Variants in WWOX observed in about 807,000 individuals in gnomAD.
WWOX encodes the protein WW domain-containing oxidoreductase.
A neutral mutation model predicts 46.2 loss-of-function variants in WWOX; 69 were observed. The observed-to-expected ratio is 1.49, with a 90% CI of 1.23 to 1.82. WWOX has a LOEUF of 1.82. Ranked by LOEUF, WWOX falls within the 40% of genes most tolerant of loss-of-function variation. The pLI is 0.00. For synonymous variants in WWOX, 359 were observed against 202.6 expected (o/e 1.77, Z -6.56); for missense variants, 919 against 542.6 (o/e 1.69, Z -6.89).
intron 8 of WWOX, among the ~76,000 whole-genome samples, chr16:78,609,527 T>C (rs2045847286): frequency 1.3e-5 from 2 of 151,776 alleles, no homozygotes; most frequent in Non-Finnish European, 2.9e-5. Context: ...GGTTTTTTTT[T>C]TTCTTTCTTT....
intron 8 of WWOX, among the ~76,000 whole-genome samples, chr16:78,763,911 C>T (rs1375003221): frequency 6.6e-6 from 1 of 152,136 alleles, no homozygotes; most frequent in Non-Finnish European, 1.5e-5. Context: ...GCCCCAAAAC[C>T]CTCTTCTATT....
chr16:79,052,805 G>A (rs114547002), intron 8 of WWOX, among the ~76,000 whole-genome samples: 2,086 of 152,266 alleles, frequency 0.014, 53 homozygotes, highest in African/African-American at 0.048. Flanking sequence ...CTGTTCGAGT[G>A]CTATTTCTTT....
At chr16:79,094,060 G>A (rs951135743) in intron 8 of WWOX, among the ~76,000 whole-genome samples, 1 of 152,100 alleles carries the variant, frequency 6.6e-6, no homozygotes, top group Non-Finnish European at 1.5e-5. Context: ...GCATAATTTA[G>A]CCAGATAAAG....
intron 8 of WWOX, among the ~76,000 whole-genome samples, chr16:78,908,124 G>A (rs2045013876): frequency 6.6e-6 from 1 of 152,172 alleles, no homozygotes; most frequent in South Asian, 2.1e-4. Context: ...TTTTACACCA[G>A]GATTCTATGG....
At chr16:78,996,062 C>T (rs986506682) in intron 8 of WWOX, 26 of 305,686 alleles carry the variant, frequency 8.5e-5, no homozygotes, top group Admixed American at 1.9e-4. Flanking sequence ...ATTCCAAATC[C>T]AGATCCAAAA....
intron 8 of WWOX, among the ~76,000 whole-genome samples, chr16:78,836,704 C>T (rs1372523093): frequency 6.6e-6 from 1 of 152,138 alleles, no homozygotes; most frequent in East Asian, 1.9e-4. Context: ...TGTAGCAGCT[C>T]ACTTAATATC....
In WWOX at chr16:78,367,166, A is replaced by G. The variant is rs145366760; in HGVS notation, c.517-19694A>G. On this transcript the variant is annotated intron_variant, in intron 5 of 8. Coordinates refer to ENST00000566780, the MANE Select transcript of WWOX (RefSeq NM_016373.4). ...GGCTAATTTTTTATATTTTTAGTAG[A>G]GACAGGGTTTCACCATGTTAGCCAC... Among the ~76,000 whole-genome samples, 82 of 151,972 alleles carry G rather than the reference A, an allele frequency of 5.4e-4. 2 individuals carry two copies. The East Asian group carries it at 0.014, about 27-fold the overall frequency.
intron 8 of WWOX, among the ~76,000 whole-genome samples, chr16:79,022,696 G>A (rs923821199): frequency 1.3e-5 from 2 of 152,142 alleles, no homozygotes; most frequent in African/African-American, 4.8e-5. Context: ...TGATGTAAGG[G>A]GCTGGAGCCC....
intron 8 of WWOX, among the ~76,000 whole-genome samples, chr16:78,622,954 A>G (rs1040181292): frequency 1.3e-5 from 2 of 152,250 alleles, no homozygotes; most frequent in Middle Eastern, 3.4e-3. Context: ...AAGGAACTGC[A>G]TTTGGCTTCT....
chr16:78,861,170 C>T (rs937060512), intron 8 of WWOX, among the ~76,000 whole-genome samples: 5 of 151,800 alleles, frequency 3.3e-5, no homozygotes, highest in African/African-American at 9.7e-5. Flanking sequence ...CTCTTTCTTC[C>T]TCTCTTTGCT....
intron 8 of WWOX, among the ~76,000 whole-genome samples, chr16:79,127,280 C>T (rs2049778808): frequency 6.6e-6 from 1 of 151,990 alleles, no homozygotes; most frequent in Admixed American, 6.6e-5. Context: ...TCTTCTGAAC[C>T]GATGTTATTT....
intron 8 of WWOX, among the ~76,000 whole-genome samples, chr16:78,810,276 G>A (rs1156771825): frequency 6.6e-6 from 1 of 152,118 alleles, no homozygotes; most frequent in African/African-American, 2.4e-5. Context: ...ATTTCCACCT[G>A]GATCTGTTAA....
intron 6 of WWOX, among the ~76,000 whole-genome samples, chr16:78,414,832 C>G (rs1190718722): frequency 6.6e-6 from 1 of 152,024 alleles, no homozygotes; most frequent in Non-Finnish European, 1.5e-5. Context: ...TTAGCTTGGC[C>G]CATGCCCAGG....
intron 8 of WWOX, among the ~76,000 whole-genome samples, chr16:79,142,892 C>G (rs1219171968): frequency 6.6e-6 from 1 of 152,010 alleles, no homozygotes; most frequent in Admixed American, 6.6e-5. Flanking sequence ...TTTACAGAGA[C>G]AAGTTCTCGC....
chr16:78,876,127 C>G (rs1364919957), intron 8 of WWOX, among the ~76,000 whole-genome samples: 1 of 152,152 alleles, frequency 6.6e-6, no homozygotes, highest in Non-Finnish European at 1.5e-5. Flanking sequence ...ACATGACTTT[C>G]TTACCTACGC....
At chr16:78,987,311 T>C (rs1325422841) in intron 8 of WWOX, among the ~76,000 whole-genome samples, 5 of 152,232 alleles carry the variant, frequency 3.3e-5, no homozygotes, top group Non-Finnish European at 5.9e-5. Flanking sequence ...TTGCTTTGTT[T>C]TGACAATGAT....
intron 8 of WWOX, among the ~76,000 whole-genome samples, chr16:78,806,888 G>C (rs527450353): frequency 6.6e-6 from 1 of 152,248 alleles, no homozygotes; most frequent in South Asian, 2.1e-4. Context: ...TCCTGCAGTG[G>C]GATATTGGGA....
intron 8 of WWOX, among the ~76,000 whole-genome samples, chr16:78,919,484 G>T (rs2045327045): frequency 6.6e-6 from 1 of 150,534 alleles, no homozygotes; most frequent in East Asian, 2.0e-4. Flanking sequence ...GTCCCCTTAA[G>T]TGGCTTTCTT....
chr16:78,576,279 C>G (rs933672796), intron 8 of WWOX, among the ~76,000 whole-genome samples: 3 of 152,330 alleles, frequency 2.0e-5, no homozygotes, highest in African/African-American at 7.2e-5. Flanking sequence ...AATAATGCAT[C>G]TGTGATTTTT....
Sources: allele counts gnomAD v4.1 joint callset (sites outside exome capture counted in the v4.1 genomes callset), GRCh38; gene constraint gnomAD v4.1.1; transcripts MANE v1.5; gene names NCBI Gene and HGNC (gene_info 2026-07-23, HGNC 2026-07-21).